Variants in ABHD2 observed in about 807,000 individuals in gnomAD.
ABHD2 encodes the protein monoacylglycerol lipase ABHD2.
ABHD2 carries 20 observed loss-of-function variants against 48.1 expected under a neutral mutation model. The observed-to-expected ratio is 0.42, with a 90% CI of 0.29 to 0.60. The LOEUF (loss-of-function observed/expected upper bound fraction) is 0.60. ABHD2 is among the 20% of genes least tolerant of loss of function. The pLI, the probability that ABHD2 is intolerant of heterozygous loss-of-function variation, is 0.24. For missense variants in ABHD2, 405 were observed against 550.9 expected (o/e 0.74, Z 2.65); for synonymous variants, 209 against 214.2 (o/e 0.98, Z 0.21).
chr15:89,086,184 T>C (rs1209712004), upstream of ABHD2, among the ~76,000 whole-genome samples: 2 of 151,158 alleles, frequency 1.3e-5, no homozygotes, highest in East Asian at 2.0e-4. Context: ...TGTGCCACCA[T>C]GCCCAGCTAA....
intron 1 of ABHD2, among the ~76,000 whole-genome samples, chr15:89,096,139 C>A (rs959105910): frequency 6.6e-6 from 1 of 151,434 alleles, no homozygotes; most frequent in Non-Finnish European, 1.5e-5. Context: ...TGTAGGCTCT[C>A]GGGATCCATA....
At chr15:89,112,632 G>T (rs901155895) in intron 1 of ABHD2, among the ~76,000 whole-genome samples, 14 of 152,218 alleles carry the variant, frequency 9.2e-5, no homozygotes, top group African/African-American at 3.1e-4. Flanking sequence ...TGGTGTGGTA[G>T]AATCAGAAAA....
At chr15:89,075,570 C>T in the ABHD2 span, among the ~76,000 whole-genome samples, 70 of 151,718 alleles carry the variant, frequency 4.6e-4, no homozygotes, top group African/African-American at 1.4e-3. This position sits in a 1 kb window ranked among gnomAD's most constrained non-coding sequence, Gnocchi z 4.1. Flanking sequence ...GAAGTGGAGG[C>T]GAAAAAAGAT....
intron 3 of ABHD2, among the ~76,000 whole-genome samples, chr15:89,145,034 A>C (rs928508334): frequency 6.6e-6 from 1 of 152,212 alleles, no homozygotes; most frequent in African/African-American, 2.4e-5. Flanking sequence ...AGGCAGGCAG[A>C]TCACTTGAGG....
chr15:89,101,288 G>A (rs1327115184), intron 1 of ABHD2, among the ~76,000 whole-genome samples: 1 of 152,216 alleles, frequency 6.6e-6, no homozygotes, highest in African/African-American at 2.4e-5. Context: ...CCTCTGAGCA[G>A]TGGAAAGTGA....
intron 3 of ABHD2, among the ~76,000 whole-genome samples, chr15:89,127,709 A>ATATATATATATATG (rs2050152763): frequency 3.4e-5 from 3 of 89,382 alleles, no homozygotes; most frequent in African/African-American, 1.9e-4. Flanking sequence ...ATATATACAT[A>ATATATATATATATG]TATATATATA....
In ABHD2 at chr15:89,199,306, C is replaced by G. The variant is rs556645451; in HGVS notation, c.*3883C>G. ...GACTTAGAGCTGAAGTAAAAGATCA[C>G]TGAAACATCACGTCAAGTTGAAGTC... On this transcript the variant is annotated 3_prime_UTR_variant, in exon 11 of 11. Transcript: ENST00000352732. This position sits in a 1 kb window ranked among gnomAD's most constrained non-coding sequence, Gnocchi z 4.1. The G allele has an allele frequency of 4.6e-5, 7 of 152,370 alleles. No individual in the cohort carries two copies. The highest frequency in any genetic ancestry group is 1.7e-4 in the African/African-American group (7 of 41,420). The allele number at this position is 152,370 out of a possible 1,614,324, so 9.4% of individuals were successfully genotyped here.
chr15:89,068,555 C>G, the ABHD2 span, among the ~76,000 whole-genome samples: 3 of 152,168 alleles, frequency 2.0e-5, no homozygotes, highest in African/African-American at 7.2e-5. Flanking sequence ...GTTCTCTCCA[C>G]ACGGGCTAGC....
intron 1 of ABHD2, among the ~76,000 whole-genome samples, chr15:89,109,878 C>G (rs1032581912): frequency 6.6e-6 from 1 of 152,036 alleles, no homozygotes; most frequent in African/African-American, 2.4e-5. Flanking sequence ...AGTTCCAGTT[C>G]CCCTGCAGAT....
chr15:89,191,231 T>A, intron 9 of ABHD2, 82 bp downstream of exon 9: 3 of 1,438,156 alleles, frequency 2.1e-6, no homozygotes, highest in East Asian at 4.6e-5. Flanking sequence ...TCCTGAATTT[T>A]CCTGGTGGAA....
the ABHD2 span, among the ~76,000 whole-genome samples, chr15:89,046,623 T>A: frequency 2.6e-5 from 4 of 152,142 alleles, no homozygotes; most frequent in Non-Finnish European, 5.9e-5. Context: ...GGTTTAGTCT[T>A]GGGAGAGTGT....
intron 1 of ABHD2, among the ~76,000 whole-genome samples, chr15:89,098,795 A>G (rs1459770280): frequency 6.6e-6 from 1 of 152,200 alleles, no homozygotes; most frequent in Non-Finnish European, 1.5e-5. Flanking sequence ...TATTGACTCT[A>G]CATATAAATT....
chr15:89,042,829 T>C, the ABHD2 span, among the ~76,000 whole-genome samples: 1 of 151,732 alleles, frequency 6.6e-6, no homozygotes, highest in African/African-American at 2.4e-5. Flanking sequence ...TTTTTCTTTT[T>C]TTCTTTTTTT....
rs548706870 is a variant in ABHD2 at position 89,174,459 on chromosome 15, A to C, written c.539-1353A>C. Among the ~76,000 whole-genome samples the C allele has an allele frequency of 1.3e-5, 2 of 152,336 alleles. No individual in the cohort carries two copies. Among genetic ancestry groups the C allele is most frequent in the South Asian group, 4.1e-4 (2 of 4,826 alleles). ...ACCCTCTCCAGGTGATTCTATGCAC[A>C]CTGCAGCTTAAGAACTGCATGGGGC... On this transcript the variant is annotated intron_variant, in intron 5 of 10. Transcript: ENST00000352732. The surrounding 1 kb of genome is among the most constrained non-coding windows in gnomAD (Gnocchi z 4.1).
intron 3 of ABHD2, among the ~76,000 whole-genome samples, chr15:89,124,976 C>CCTG (rs1387265419): frequency 6.6e-6 from 1 of 152,136 alleles, no homozygotes; most frequent in Non-Finnish European, 1.5e-5. Context: ...GTAATCCCAG[C>CCTG]TAATCGGGAG....
intron 5 of ABHD2, among the ~76,000 whole-genome samples, chr15:89,162,626 A>C (rs147952590): frequency 6.1e-4 from 93 of 152,254 alleles, no homozygotes; most frequent in African/African-American, 2.1e-3. Context: ...TTTGTCACTC[A>C]GGTCTCAACC....
intron 5 of ABHD2, among the ~76,000 whole-genome samples, chr15:89,171,966 T>G (rs995434017): frequency 6.6e-6 from 1 of 152,100 alleles, no homozygotes; most frequent in Non-Finnish European, 1.5e-5. Context: ...GGCTATTTCT[T>G]TAACTCTCTC....
the ABHD2 span, among the ~76,000 whole-genome samples, chr15:89,043,788 T>G: frequency 2.0e-5 from 3 of 151,792 alleles, no homozygotes; most frequent in Non-Finnish European, 2.9e-5. Context: ...GATCTAGAGT[T>G]GAAGGCAATC....
At position 89,168,075 on chromosome 15, in the gene ABHD2, C is replaced by T. The variant is rs1189663431; in HGVS notation, c.539-7737C>T. On this transcript the variant is annotated intron_variant, in intron 5 of 10. Transcript: ENST00000352732. This position sits in a 1 kb window ranked among gnomAD's most constrained non-coding sequence, Gnocchi z 4.8. The stretch of plus-strand genomic sequence containing the variant: ...TCTCCATCCACAAGGAACACCAAGT[C>T]TCGAGTCCCTGTATTTTAGCCTATT... Among the ~76,000 whole-genome samples, 1 of 152,166 alleles carries T rather than the reference C, an allele frequency of 6.6e-6. No individual in the cohort carries two copies. Among genetic ancestry groups the T allele is most frequent in the Non-Finnish European group, 1.5e-5 (1 of 68,042 alleles).
Sources: allele counts gnomAD v4.1 joint callset (sites outside exome capture counted in the v4.1 genomes callset), GRCh38; gene constraint gnomAD v4.1.1; non-coding constraint Gnocchi (gnomAD v3.1); transcripts MANE v1.5; gene names NCBI Gene and HGNC (gene_info 2026-07-23, HGNC 2026-07-21).